Variants in EXOC4 observed in about 807,000 individuals in gnomAD.
The protein encoded by EXOC4 is exocyst complex component 4.
A neutral mutation model predicts 107.2 loss-of-function variants in EXOC4; 71 were observed. The observed-to-expected ratio is 0.66, with a 90% CI of 0.55 to 0.81. The LOEUF (loss-of-function observed/expected upper bound fraction) is 0.81, where lower values mean the gene tolerates loss of function less well. Among genes scored for constraint, EXOC4 ranks in the 30% least tolerant of loss-of-function variants. The pLI is 0.00. For synonymous variants in EXOC4, 456 were observed against 441.2 expected, an observed-to-expected ratio of 1.03 and a Z score of -0.42; for missense variants, 1,108 against 1,189.6, an observed-to-expected ratio of 0.93 and a Z score of 1.01.
chr7:133,296,965 A>C (rs975135289), intron 3 of EXOC4, among the ~76,000 whole-genome samples: 1 of 152,206 alleles, frequency 6.6e-6, no homozygotes, highest in Non-Finnish European at 1.5e-5. Flanking sequence ...ATATGCAGGC[A>C]ACATTGGAAC....
chr7:134,095,585 G>A, the EXOC4 span, among the ~76,000 whole-genome samples: 1 of 151,790 alleles, frequency 6.6e-6, no homozygotes, highest in African/African-American at 2.4e-5. Flanking sequence ...ATAAGGCTGC[G>A]GTCACAAAAA....
At chr7:133,540,168 G>A (rs191085902) in intron 9 of EXOC4, among the ~76,000 whole-genome samples, 8 of 152,230 alleles carry the variant, frequency 5.3e-5, no homozygotes, top group Admixed American at 4.6e-4. Context: ...TATCATTTAT[G>A]TAGCACCTGC....
At chr7:133,302,813 GTC>G (rs1286870560) in intron 3 of EXOC4, among the ~76,000 whole-genome samples, 1 of 151,918 alleles carries the variant, frequency 6.6e-6, no homozygotes, top group East Asian at 1.9e-4. Context: ...ATCCAACTGT[GTC>G]TCTTTAATTT....
intron 9 of EXOC4, among the ~76,000 whole-genome samples, chr7:133,519,259 A>G (rs921892733): frequency 1.3e-5 from 2 of 152,046 alleles, no homozygotes; most frequent in African/African-American, 4.8e-5. Context: ...TATAAAAAAT[A>G]CAAAAATTAG....
At chr7:133,633,738 G>A (rs548301466) in intron 10 of EXOC4, among the ~76,000 whole-genome samples, 2 of 152,198 alleles carry the variant, frequency 1.3e-5, no homozygotes, top group Non-Finnish European at 2.9e-5. Flanking sequence ...ATAAGTTCTA[G>A]AGGAACTTAT....
intron 14 of EXOC4, among the ~76,000 whole-genome samples, chr7:133,974,037 A>G (rs1416712265): frequency 6.6e-6 from 1 of 152,234 alleles, no homozygotes; most frequent in Non-Finnish European, 1.5e-5. Flanking sequence ...TCATGAGGGT[A>G]GAACCCTCAG....
intron 9 of EXOC4, among the ~76,000 whole-genome samples, chr7:133,584,592 T>C (rs1801356699): frequency 6.9e-6 from 1 of 144,680 alleles, no homozygotes; most frequent in African/African-American, 2.5e-5. Flanking sequence ...TTTGTTTTTT[T>C]TTTTGAGACA....
intron 10 of EXOC4, among the ~76,000 whole-genome samples, chr7:133,703,454 G>C (rs553475560): frequency 6.6e-6 from 1 of 152,306 alleles, no homozygotes; most frequent in African/African-American, 2.4e-5. Context: ...TTCTGCTGGA[G>C]GATGAGCAGA....
chr7:133,987,403 GAGAA>G (rs1794143155), intron 14 of EXOC4, among the ~76,000 whole-genome samples: 2 of 151,274 alleles, frequency 1.3e-5, no homozygotes, highest in African/African-American at 2.4e-5. Flanking sequence ...GAAAAAGAGA[GAGAA>G]AGAAAAGAAG....
chr7:133,650,951 T>TTTTG (rs1803134058), intron 10 of EXOC4, among the ~76,000 whole-genome samples: 1 of 145,506 alleles, frequency 6.9e-6, no homozygotes, highest in Admixed American at 6.8e-5. Flanking sequence ...TTTTTTTTTT[T>TTTTG]TTTTTTTTTT....
intron 7 of EXOC4, among the ~76,000 whole-genome samples, chr7:133,430,776 A>G (rs572128055): frequency 2.0e-5 from 3 of 152,156 alleles, no homozygotes; most frequent in Non-Finnish European, 4.4e-5. Context: ...CTAAGAAAAA[A>G]TAGTTTTACC....
At chr7:133,778,860 AGCCTCACATGGGCT>A in intron 10 of EXOC4, among the ~76,000 whole-genome samples, 1 of 152,286 alleles carries the variant, frequency 6.6e-6, no homozygotes, top group East Asian at 1.9e-4. Flanking sequence ...CTTCTGATTT[AGCCTCACATGGGCT>A]GCATCAGAGA....
Position 133,356,407 on chromosome 7 carries a change from A to T in EXOC4, c.841A>T (p.Ile281Phe). The part of the protein sequence containing the change: ...PEENSTLFMG[I>F]LIKGLAKLKK... Reference sequence around the variant, plus strand: ...GGAAAACAGCACCCTGTTTATGGGTATCCTCATTAAGGGCTTGGCGAAACT... The same window carrying T: ...GGAAAACAGCACCCTGTTTATGGGTTTCCTCATTAAGGGCTTGGCGAAACT... Residue 281 changes from isoleucine to phenylalanine, a missense_variant, in exon 6 of 18, where the codon ATC (isoleucine) becomes TTC (phenylalanine). Physicochemically the swap from Ile to Phe is conservative, Grantham distance 21. Coordinates refer to ENST00000253861, the MANE Select transcript of EXOC4 (RefSeq NM_021807.4). 6.2e-7 allele frequency: 1 copy of T among 1,614,138 alleles called. No individual in the cohort carries two copies. Among genetic ancestry groups the T allele is most frequent in the Non-Finnish European group, 8.5e-7 (1 of 1,179,992 alleles).
At chr7:133,273,032 G>A (rs1044322972) in intron 1 of EXOC4, among the ~76,000 whole-genome samples, 3 of 152,168 alleles carry the variant, frequency 2.0e-5, no homozygotes, top group Admixed American at 2.0e-4. Flanking sequence ...ATCTAGTGTA[G>A]CTTTGACAAT....
At chr7:133,906,679 G>T (rs1430431984) in intron 12 of EXOC4, among the ~76,000 whole-genome samples, 1 of 152,048 alleles carries the variant, frequency 6.6e-6, no homozygotes, top group Non-Finnish European at 1.5e-5. Context: ...CTGAGCTTTC[G>T]CTCGCTGTCC....
chr7:133,887,876 G>T (rs1208408949), intron 11 of EXOC4, among the ~76,000 whole-genome samples: 2 of 152,150 alleles, frequency 1.3e-5, no homozygotes, highest in Admixed American at 6.5e-5. Context: ...GCGTAGGGAC[G>T]TGTAGCCAGG....
At chr7:134,014,709 C>T (rs1369949444) in intron 17 of EXOC4, among the ~76,000 whole-genome samples, 3 of 151,756 alleles carry the variant, frequency 2.0e-5, no homozygotes, top group Non-Finnish European at 4.4e-5. Flanking sequence ...GGTTGTACAG[C>T]CCTGTGACTA....
chr7:133,379,059 A>T (rs1273101118), intron 7 of EXOC4, among the ~76,000 whole-genome samples: 1 of 152,164 alleles, frequency 6.6e-6, no homozygotes, highest in African/African-American at 2.4e-5. Flanking sequence ...TAAGAATAGT[A>T]CAAAGAGCCA....
At chr7:133,437,516 A>T (rs1421657405) in intron 7 of EXOC4, among the ~76,000 whole-genome samples, 1 of 152,206 alleles carries the variant, frequency 6.6e-6, no homozygotes, top group African/African-American at 2.4e-5. Flanking sequence ...TCACATCTGG[A>T]TGGGAAAACA....
Sources: gnomAD v4.1 joint callset for allele counts (sites outside exome capture counted in the v4.1 genomes callset) on GRCh38, gnomAD v4.1.1 for gene constraint, MANE v1.5 for transcripts, NCBI Gene and HGNC (gene_info 2026-07-23, HGNC 2026-07-21) for gene names.